The following RAD51AP1 variants were observed in gnomAD, a reference collection of about 807,000 sequenced individuals.
RAD51AP1 encodes the protein RAD51-associated protein 1.
A neutral mutation model predicts 34.3 loss-of-function variants in RAD51AP1; 14 were observed. That is an observed-to-expected ratio of 0.41 (90% CI 0.27 to 0.64). The LOEUF (loss-of-function observed/expected upper bound fraction) is 0.64. RAD51AP1 is among the 30% of genes least tolerant of loss of function. RAD51AP1 has a pLI of 0.33. For synonymous variants in RAD51AP1, 114 were observed against 129.8 expected, an observed-to-expected ratio of 0.88 and a Z score of 0.83; for missense variants, 348 against 386.9, an observed-to-expected ratio of 0.90 and a Z score of 0.84.
intron 5 of RAD51AP1, 56 bp from the exon 6 acceptor site, chr12:4,548,631 T>C (rs1944523970): frequency 6.4e-7 from 1 of 1,569,890 alleles, no homozygotes; most frequent in East Asian, 2.2e-5. Context: ...TCTGCAGTTC[T>C]TGAAATATCA....
rs1944602520 is a variant in RAD51AP1, at chr12:4,558,988, A to T, written c.1003A>T (p.Thr335Ser). The change falls in exon 9 of 9, where the codon ACC becomes TCC. Residue 335 changes from threonine (T) to serine (S), a missense_variant. Thr to Ser is a moderately conservative substitution (Grantham distance 58). Coordinates refer to ENST00000352618, the MANE Select transcript of RAD51AP1 (RefSeq NM_006479.5). Reference protein sequence around the residue: ...VKPLHPNATST With the variant: ...VKPLHPNATSS ...ACCTTTGCATCCAAATGCCACTAGCACCTGAGTGTGGTACAGGAGGAATGT... is the reference window on the plus strand; with the variant it reads ...ACCTTTGCATCCAAATGCCACTAGCTCCTGAGTGTGGTACAGGAGGAATGT... The T allele has an allele frequency of 6.2e-7, 1 of 1,613,906 alleles. No homozygotes were observed. The highest frequency in any genetic ancestry group is 1.3e-5 in the African/African-American group (1 of 74,910).
intron 7 of RAD51AP1, among the ~76,000 whole-genome samples, chr12:4,554,433 T>C (rs1468326851): frequency 6.6e-6 from 1 of 152,258 alleles, no homozygotes; most frequent in African/African-American, 2.4e-5. Flanking sequence ...TATTCACATG[T>C]TCTGGCAATG....
At chr12:4,541,469 C>T (rs1392318668) in intron 1 of RAD51AP1, among the ~76,000 whole-genome samples, 3 of 152,002 alleles carry the variant, frequency 2.0e-5, no homozygotes, top group Non-Finnish European at 4.4e-5. Context: ...CAGAAGAACA[C>T]GTACAACGGG....
At position 4,543,817 on chromosome 12, in the gene RAD51AP1, A is replaced by C. The variant is rs1006474663; in HGVS notation, c.122A>C (p.Lys41Thr). The stretch of plus-strand genomic sequence containing the variant: ...AACAAGAAATCCAGAACAGCACCAA[A>C]GGAGTTAAAACAAGATAAACCAAAA... ...PLNKKSRTAP[K>T]ELKQDKPKPN... Residue 41 changes from lysine (K) to threonine (T), a missense_variant, in exon 3 of 9, where the codon AAG becomes ACG. Lys to Thr is a moderately conservative substitution (Grantham distance 78). Transcript: ENST00000352618. 6.2e-7 allele frequency: 1 copy of C among 1,612,652 alleles called. No individual in the cohort carries two copies. Among genetic ancestry groups the C allele is most frequent in the African/African-American group, 1.3e-5 (1 of 75,014 alleles).
rs1374227542 is a variant in RAD51AP1, at chr12:4,543,778, C to T, written c.83C>T (p.Ala28Val). Reference sequence around the variant, plus strand: ...ACATGAATAGATGATTTTGTTTCTGCAACTGTACCTTTAAACAAGAAATCC... The same window carrying T: ...ACATGAATAGATGATTTTGTTTCTGTAACTGTACCTTTAAACAAGAAATCC... ...HSDSDDDFVS[A>V]TVPLNKKSRT... is the part of the protein sequence containing the mutation. Residue 28 changes from alanine to valine, a missense_variant, in exon 3 of 9, where the codon GCA becomes GTA. Coordinates refer to ENST00000352618, the MANE Select transcript of RAD51AP1 (RefSeq NM_006479.5). The T allele has an allele frequency of 3.8e-6, 6 of 1,592,750 alleles. No homozygotes were observed. The highest frequency in any genetic ancestry group is 1.2e-5 in the South Asian group (1 of 86,762).
rs1440552501 is a variant in RAD51AP1 at position 4,558,852 on chromosome 12, T to G, written c.872-5T>G. 5 of 1,613,784 alleles carry G rather than the reference T, an allele frequency of 3.1e-6. No homozygotes were observed. The East Asian group carries it at 8.9e-5, about 29-fold the overall frequency. The stretch of plus-strand genomic sequence containing the variant: ...ATCAGCATCACATCATATGTTTCCT[T>G]TCAGCGGCATCTGGAGGTAGCAGAA... On this transcript the variant is annotated splice_polypyrimidine_tract_variant and splice_region_variant and intron_variant, in intron 8 of 8. Transcript: ENST00000352618.
chr12:4,559,208 C>T lies in RAD51AP1; in HGVS notation c.*215C>T. ...GTTTATAAGAATTATCTTCTCATAC[C>T]TTTCCTTGTGAAGAGCGTATTCTGT... On this transcript the variant is annotated 3_prime_UTR_variant, in exon 9 of 9. Coordinates refer to ENST00000352618, the MANE Select transcript of RAD51AP1 (RefSeq NM_006479.5). The T allele has an allele frequency of 2.0e-6, 1 of 495,326 alleles. No individual in the cohort carries two copies. The highest frequency in any genetic ancestry group is 3.3e-5 in the South Asian group (1 of 30,278). 30.7% of individuals were successfully genotyped at this position (495,326 alleles called of 1,614,324 possible).
At chr12:4,557,545 A>G (rs1944590997) in intron 8 of RAD51AP1, among the ~76,000 whole-genome samples, 1 of 152,228 alleles carries the variant, frequency 6.6e-6, no homozygotes. Context: ...ACTTGATGTC[A>G]TATCATTCAA....
intron 6 of RAD51AP1, among the ~76,000 whole-genome samples, chr12:4,550,147 G>A (rs1272227465): frequency 6.6e-6 from 1 of 152,152 alleles, no homozygotes; most frequent in Non-Finnish European, 1.5e-5. Flanking sequence ...GGATGCGAAT[G>A]ACTTGGAATT....
chr12:4,545,397 G>T (rs1390788875), intron 3 of RAD51AP1: 3 of 318,668 alleles, frequency 9.4e-6, no homozygotes, highest in Non-Finnish European at 1.9e-5. Flanking sequence ...TGGTTGCTAG[G>T]AGGGGAGAGG....
chr12:4,542,920 G>A (rs1043619987), intron 2 of RAD51AP1, among the ~76,000 whole-genome samples: 1 of 152,158 alleles, frequency 6.6e-6, no homozygotes, highest in African/African-American at 2.4e-5. Context: ...TACTTTGGTA[G>A]GATCTTAGGA....
intron 6 of RAD51AP1, among the ~76,000 whole-genome samples, chr12:4,551,446 G>A (rs927343238): frequency 1.3e-5 from 2 of 148,514 alleles, no homozygotes; most frequent in African/African-American, 2.5e-5. Context: ...AGTGAGCCAG[G>A]ATTGTGCCAC....
At chr12:4,545,125 T>C in intron 3 of RAD51AP1, 1 of 410,080 alleles carries the variant, frequency 2.4e-6, no homozygotes, top group Non-Finnish European at 4.8e-6. Flanking sequence ...ACATTATTCA[T>C]AATAGCTAAA....
chr12:4,559,101 A>G lies in RAD51AP1; in HGVS notation c.*108A>G, dbSNP rs1944603440. ...CAGGTATTGTAATATAAAGGAATCC[A>G]TTACCATGTCCTATAAATGACCTCT... On this transcript the variant is annotated 3_prime_UTR_variant, in exon 9 of 9. Transcript: ENST00000352618. The G allele has an allele frequency of 1.5e-6, 2 of 1,364,684 alleles. No individual in the cohort carries two copies. The highest frequency in any genetic ancestry group is 1.0e-6 in the Non-Finnish European group (1 of 998,128). 84.5% of individuals were successfully genotyped at this position (1,364,684 alleles called of 1,614,324 possible). A position where few individuals can be genotyped will look rare whatever the true frequency, so the allele number is the denominator to read the frequency against.
Position 4,559,129 on chromosome 12 carries a change from C to G in RAD51AP1, c.*136C>G. On this transcript the variant is annotated 3_prime_UTR_variant, in exon 9 of 9. Coordinates refer to ENST00000352618, the MANE Select transcript of RAD51AP1 (RefSeq NM_006479.5). ...ACCATGTCCTATAAATGACCTCTAG[C>G]CATTTTATGATTATGTTCTCTGTAA... 9.5e-7 allele frequency: 1 copy of G among 1,053,840 alleles called. No homozygotes were observed. 65.3% of individuals were successfully genotyped at this position (1,053,840 alleles called of 1,614,324 possible).
At chr12:4,548,527 C>T (rs991665203) in intron 5 of RAD51AP1, among the ~76,000 whole-genome samples, 160 bp from the exon 6 acceptor site, 24 of 152,128 alleles carry the variant, frequency 1.6e-4, no homozygotes, top group Non-Finnish European at 3.1e-4. Context: ...ACTGATGTAC[C>T]ATGGTTGACC....
At chr12:4,555,892 C>T (rs1191148018) in intron 7 of RAD51AP1, among the ~76,000 whole-genome samples, 2 of 152,200 alleles carry the variant, frequency 1.3e-5, no homozygotes, top group African/African-American at 4.8e-5. Context: ...AGTCTAGTGA[C>T]TAAACCTTAA....
In RAD51AP1 at chr12:4,543,888, A is replaced by G. The variant is rs750111979; in HGVS notation, c.193A>G (p.Lys65Glu). ...GAAAGAAGAAATCCCAGTACAAGAG[A>G]AAACCCCTAAAAAAAGGTGAGAGGT... ...LRKEEIPVQE[K>E]TPKKRMALDD... is the part of the protein sequence containing the mutation. Residue 65 changes from lysine to glutamate, a missense_variant, in exon 3 of 9, where the codon AAA becomes GAA. Lys to Glu is a moderately conservative substitution (Grantham distance 56, BLOSUM62 1). Coordinates refer to ENST00000352618, the MANE Select transcript of RAD51AP1 (RefSeq NM_006479.5). 6.2e-7 allele frequency: 1 copy of G among 1,608,572 alleles called. No homozygotes were observed. Among genetic ancestry groups the G allele is most frequent in the Non-Finnish European group, 8.5e-7 (1 of 1,177,910 alleles).
chr12:4,549,494 ATAT>A (rs1226836872), intron 6 of RAD51AP1, among the ~76,000 whole-genome samples: 2 of 152,220 alleles, frequency 1.3e-5, no homozygotes, highest in Admixed American at 6.5e-5. Flanking sequence ...TATTCGACTA[ATAT>A]TTGAATGCTT....
Sources: gnomAD v4.1 joint callset for allele counts (sites outside exome capture counted in the v4.1 genomes callset) on GRCh38, gnomAD v4.1.1 for gene constraint, MANE v1.5 for transcripts, NCBI Gene and HGNC (gene_info 2026-07-23, HGNC 2026-07-21) for gene names.